The following RTN1 variants were observed in gnomAD, a reference collection of about 807,000 sequenced individuals.
RTN1 encodes the protein reticulon 1.
In RTN1, 25 loss-of-function variants were observed where a neutral mutation model predicts 65.5. The ratio of observed to expected loss-of-function variants is 0.38; its 90% CI spans 0.28 to 0.53. RTN1 has a LOEUF of 0.53. RTN1 is among the 20% of genes least tolerant of loss of function. The pLI is 0.79. For synonymous variants in RTN1, 471 were observed against 447.6 expected (o/e 1.05, Z -0.66); for missense variants, 983 against 1,025.4 (o/e 0.96, Z 0.57).
At chr14:59,788,162 A>T (rs1374798687) in intron 1 of RTN1, among the ~76,000 whole-genome samples, 2 of 152,198 alleles carry the variant, frequency 1.3e-5, no homozygotes, top group Non-Finnish European at 2.9e-5. Flanking sequence ...ATTTTATAAC[A>T]ATGCTCCAAT....
At chr14:59,599,778 C>T (rs11623120) in intron 8 of RTN1, among the ~76,000 whole-genome samples, 2,530 of 152,298 alleles carry the variant, frequency 0.017, 39 homozygotes, top group Non-Finnish European at 0.029. Flanking sequence ...TTCAGTTTAT[C>T]AAATATAACA....
intron 1 of RTN1, among the ~76,000 whole-genome samples, chr14:59,847,634 T>C (rs558524683): frequency 3.5e-4 from 54 of 152,224 alleles, no homozygotes; most frequent in Non-Finnish European, 6.6e-4. Flanking sequence ...CTTTCTATCA[T>C]AAAATCATGG....
intron 3 of RTN1, among the ~76,000 whole-genome samples, chr14:59,656,105 A>G (rs1336656613): frequency 6.6e-6 from 1 of 152,222 alleles, no homozygotes; most frequent in Non-Finnish European, 1.5e-5. Flanking sequence ...ACATTATGCT[A>G]GGAGAAAGAA....
Position 59,870,380 on chromosome 14 carries a change from C to G in RTN1, c.241+10G>C. On this transcript the variant is annotated intron_variant, in intron 1 of 8. Transcript: ENST00000267484. This position sits in a 1 kb window ranked among gnomAD's most constrained non-coding sequence, Gnocchi z 5.1. Reference sequence around the variant, plus strand: ...CGACGCCATTTGAGGGGCAGCGGCGCCCGCCTTACCTGTGGATGCAGTTTC... The same window carrying G: ...CGACGCCATTTGAGGGGCAGCGGCGGCCGCCTTACCTGTGGATGCAGTTTC... 1 of 1,504,976 alleles carries G rather than the reference C, an allele frequency of 6.6e-7. No individual in the cohort carries two copies. Among genetic ancestry groups the G allele is most frequent in the Non-Finnish European group, 8.8e-7 (1 of 1,138,214 alleles). The allele number at this position is 1,504,976 out of a possible 1,614,324, so 93.2% of individuals were successfully genotyped here.
At chr14:59,697,952 CA>C (rs1884098583) in intron 3 of RTN1, among the ~76,000 whole-genome samples, 3 of 151,624 alleles carry the variant, frequency 2.0e-5, no homozygotes, top group African/African-American at 4.8e-5. Context: ...GTAGATGGCC[CA>C]AAAAAGGGGA....
At chr14:59,830,542 T>C (rs1413984437) in intron 1 of RTN1, among the ~76,000 whole-genome samples, 2 of 152,194 alleles carry the variant, frequency 1.3e-5, no homozygotes, top group Admixed American at 1.3e-4. Context: ...CTCCTACAGG[T>C]TGTGTGACTC....
chr14:59,825,555 G>A lies in RTN1; in HGVS notation c.241+44835C>T, dbSNP rs1217445356. 6.6e-6 allele frequency among the ~76,000 whole-genome samples: 1 copy of A among 152,240 alleles called. No individual in the cohort carries two copies. Among genetic ancestry groups the A allele is most frequent in the African/African-American group, 2.4e-5 (1 of 41,460 alleles). Reference sequence around the variant, plus strand: ...AGCAGCATGAGAGGAAGGCGGCTGTGTCCTGGCTTTCTGGACTTCCAGCTG... The same window carrying A: ...AGCAGCATGAGAGGAAGGCGGCTGTATCCTGGCTTTCTGGACTTCCAGCTG... On this transcript the variant is annotated intron_variant, in intron 1 of 8. Coordinates refer to ENST00000267484, the MANE Select transcript of RTN1 (RefSeq NM_021136.3). The surrounding 1 kb of genome is among the most constrained non-coding windows in gnomAD (Gnocchi z 4.2).
chr14:59,631,535 A>T (rs1252411976), intron 3 of RTN1, among the ~76,000 whole-genome samples: 1 of 152,244 alleles, frequency 6.6e-6, no homozygotes, highest in Non-Finnish European at 1.5e-5. Context: ...TAAGGATGTC[A>T]GGAGTCCACA....
chr14:59,851,606 T>C (rs960808206), intron 1 of RTN1, among the ~76,000 whole-genome samples: 2 of 152,162 alleles, frequency 1.3e-5, no homozygotes, highest in Non-Finnish European at 1.5e-5. Flanking sequence ...ACGCCTGTAA[T>C]CCCAGCACTT....
At chr14:59,793,430 T>C (rs1052842074) in intron 1 of RTN1, among the ~76,000 whole-genome samples, 3 of 152,048 alleles carry the variant, frequency 2.0e-5, no homozygotes, top group Non-Finnish European at 2.9e-5. Flanking sequence ...TTTTCTTAAG[T>C]ACAGAAGCAC....
At chr14:59,778,792 T>C (rs752555101) in intron 1 of RTN1, among the ~76,000 whole-genome samples, 4 of 151,972 alleles carry the variant, frequency 2.6e-5, no homozygotes, top group Non-Finnish European at 5.9e-5. Flanking sequence ...AGCAAAGGGA[T>C]GGAAGAACAT....
At chr14:59,867,363 C>T (rs954675651) in intron 1 of RTN1, among the ~76,000 whole-genome samples, 1 of 152,162 alleles carries the variant, frequency 6.6e-6, no homozygotes, top group South Asian at 2.1e-4. Flanking sequence ...ATGTCGTAGC[C>T]TACCTACGGT....
intron 1 of RTN1, among the ~76,000 whole-genome samples, chr14:59,783,889 C>A (rs1476039452): frequency 2.0e-5 from 3 of 149,314 alleles, no homozygotes; most frequent in Admixed American, 1.3e-4. Flanking sequence ...AATTTTATAA[C>A]CTTATAATTT....
chr14:59,716,210 C>G (rs927313982), intron 3 of RTN1, among the ~76,000 whole-genome samples: 1 of 152,182 alleles, frequency 6.6e-6, no homozygotes, highest in Non-Finnish European at 1.5e-5. Flanking sequence ...TGCTTGTAAG[C>G]AGGCCAATTA....
chr14:59,691,547 C>T (rs1166321155), intron 3 of RTN1, among the ~76,000 whole-genome samples: 1 of 152,038 alleles, frequency 6.6e-6, no homozygotes, highest in African/African-American at 2.4e-5. Context: ...TATTCCAAAA[C>T]ATCGAGGAGG....
intron 1 of RTN1, among the ~76,000 whole-genome samples, chr14:59,837,196 G>A (rs1887227822): frequency 6.6e-6 from 1 of 152,000 alleles, no homozygotes. Flanking sequence ...TTAGTAGATT[G>A]TAAAGGTAGT....
At chr14:59,858,667 G>C (rs77710781) in intron 1 of RTN1, among the ~76,000 whole-genome samples, 62 of 152,188 alleles carry the variant, frequency 4.1e-4, no homozygotes, top group African/African-American at 1.4e-3. Flanking sequence ...AATTAGAATG[G>C]AGAATTCTTC....
At chr14:59,612,420 C>T (rs1881979941) in intron 3 of RTN1, among the ~76,000 whole-genome samples, 1 of 152,200 alleles carries the variant, frequency 6.6e-6, no homozygotes, top group South Asian at 2.1e-4. Context: ...TGGTCTCTCT[C>T]TCTCTCCCTT....
chr14:59,815,260 C>T (rs1410430321), intron 1 of RTN1, among the ~76,000 whole-genome samples: 3 of 152,150 alleles, frequency 2.0e-5, no homozygotes, highest in East Asian at 3.9e-4. Flanking sequence ...AGAATTTTCC[C>T]TCTTGGGTTT....
Sources: gnomAD v4.1 joint callset for allele counts (sites outside exome capture counted in the v4.1 genomes callset) on GRCh38, gnomAD v4.1.1 for gene constraint, Gnocchi (gnomAD v3.1) non-coding constraint, MANE v1.5 for transcripts, NCBI Gene and HGNC (gene_info 2026-07-23, HGNC 2026-07-21) for gene names.